The following LARGE1 variants were observed in gnomAD, a reference collection of about 807,000 sequenced individuals.
The protein encoded by LARGE1 is LARGE xylosyl- and glucuronyltransferase 1, also known as xylosyl- and glucuronyltransferase LARGE1.
LARGE1 carries 43 observed loss-of-function variants against 87.6 expected under a neutral mutation model. The ratio of observed to expected loss-of-function variants is 0.49; its 90% CI spans 0.38 to 0.63. LARGE1 has a LOEUF of 0.63. Among genes scored for constraint, LARGE1 ranks in the 30% least tolerant of loss-of-function variants. The probability of loss-of-function intolerance (pLI) is 0.00; values close to 1 mark genes in which losing one functional copy is unlikely to be tolerated. For synonymous variants in LARGE1, 434 were observed against 394.6 expected (o/e 1.10, Z -1.18); for missense variants, 802 against 1,000.2 (o/e 0.80, Z 2.67).
intron 10 of LARGE1, among the ~76,000 whole-genome samples, chr22:33,331,604 C>T (rs1264221812): frequency 2.0e-5 from 3 of 152,098 alleles, no homozygotes; most frequent in Admixed American, 1.3e-4. Context: ...GACGGGGTTT[C>T]GCCATGTTAG....
chr22:33,789,706 G>A (rs2145973440), intron 1 of LARGE1, among the ~76,000 whole-genome samples: 3 of 152,330 alleles, frequency 2.0e-5, no homozygotes, highest in Middle Eastern at 6.8e-3. Context: ...TCACTTCGGA[G>A]CTTTAAGATT....
chr22:33,348,176 A>G (rs887903933), intron 9 of LARGE1, among the ~76,000 whole-genome samples: 1 of 152,094 alleles, frequency 6.6e-6, no homozygotes, highest in South Asian at 2.1e-4. Flanking sequence ...AATTGGGTTT[A>G]AAGTACTGGG....
At chr22:33,900,445 T>C (rs572072952) in intron 1 of LARGE1, among the ~76,000 whole-genome samples, 7 of 152,272 alleles carry the variant, frequency 4.6e-5, no homozygotes, top group African/African-American at 1.4e-4. Flanking sequence ...ATGAAGAGCC[T>C]CTAATGTCCA....
At chr22:33,468,860 G>C (rs143414718) in intron 6 of LARGE1, among the ~76,000 whole-genome samples, 41 of 152,206 alleles carry the variant, frequency 2.7e-4, no homozygotes, top group African/African-American at 8.9e-4. Flanking sequence ...TTCCACAGCA[G>C]ACTCCCAAAT....
chr22:33,686,288 C>T (rs1337377417), intron 2 of LARGE1, among the ~76,000 whole-genome samples: 1 of 151,860 alleles, frequency 6.6e-6, no homozygotes, highest in African/African-American at 2.4e-5. Flanking sequence ...CCTGGTGTAC[C>T]CAATCCACTA....
rs1231625069 is a variant in LARGE1, at chr22:33,564,864, C to T, written c.771G>A (p.Val257=). ...TACCATTACCTTTGAACTTGTGGAA[C>T]ACAGCCCACAGCTCTGCAATGTCAG... is the stretch of plus-strand genomic sequence containing the variant. ...FATDIAELWA[V]FHKFKGQQVL... Residue 257 remains valine, a synonymous_variant, in exon 6 of 15, where the codon GTG becomes GTA. Transcript: ENST00000397394. 1 of 1,614,204 alleles carries T rather than the reference C, an allele frequency of 6.2e-7. No homozygotes were observed. Among genetic ancestry groups the T allele is most frequent in the Admixed American group, 1.7e-5 (1 of 60,026 alleles).
intron 9 of LARGE1, among the ~76,000 whole-genome samples, chr22:33,378,216 T>C (rs1009952037): frequency 3.3e-5 from 5 of 152,224 alleles, no homozygotes; most frequent in Non-Finnish European, 7.3e-5. Flanking sequence ...GGCAAATTTT[T>C]AATTTTTTTT....
Position 33,720,837 on chromosome 22 carries a change from C to CGGCA in LARGE1, c.106+40530_106+40533dup, listed in dbSNP as rs564975634. ...TGGCTGGTCTGCTGATCTGGTGTCA[C>CGGCA]GGCAGAGATGATTCCTAAGAAAAGA... On this transcript the variant is annotated intron_variant, in intron 2 of 14. Transcript: ENST00000397394. Among the ~76,000 whole-genome samples the CGGCA allele has an allele frequency of 2.6e-4, 39 of 152,228 alleles. No homozygotes were observed. The South Asian group carries it at 8.1e-3, about 32-fold the overall frequency.
At chr22:33,586,768 G>A (rs2078689288) in intron 5 of LARGE1, among the ~76,000 whole-genome samples, 2 of 152,106 alleles carry the variant, frequency 1.3e-5, no homozygotes, top group Non-Finnish European at 2.9e-5. Flanking sequence ...AGAACAACAA[G>A]GTTACTATTC....
the LARGE1 span, among the ~76,000 whole-genome samples, chr22:33,141,015 A>G: frequency 3.9e-5 from 6 of 152,182 alleles, no homozygotes; most frequent in African/African-American, 1.4e-4. Flanking sequence ...ATTTTTAACA[A>G]TTATGGTTGC....
At chr22:33,826,297 C>A (rs2062780933) in intron 1 of LARGE1, among the ~76,000 whole-genome samples, 1 of 151,788 alleles carries the variant, frequency 6.6e-6, no homozygotes, top group South Asian at 2.1e-4. Flanking sequence ...TCTCTACCCT[C>A]AGGGTCACAC....
chr22:33,404,217 T>C (rs2066020635), intron 7 of LARGE1, among the ~76,000 whole-genome samples: 1 of 152,032 alleles, frequency 6.6e-6, no homozygotes, highest in Non-Finnish European at 1.5e-5. Context: ...TAAGACAGGA[T>C]CTGCAGGAGG....
intron 1 of LARGE1, among the ~76,000 whole-genome samples, chr22:33,873,758 TTCC>T (rs140289198): frequency 1.3e-5 from 2 of 151,772 alleles, no homozygotes; most frequent in Admixed American, 6.6e-5. Flanking sequence ...CCTCACATCC[TTCC>T]TCCTCCTCCT....
chr22:33,484,911 GT>G (rs545498648), intron 6 of LARGE1, among the ~76,000 whole-genome samples: 218 of 130,352 alleles, frequency 1.7e-3, no homozygotes, highest in Middle Eastern at 0.016. Flanking sequence ...TAATGAGGTG[GT>G]TTTTTTTTTT....
Position 33,274,485 on chromosome 22 carries a change from A to G in LARGE1, c.2213T>C (p.Met738Thr), listed in dbSNP as rs776954687. 1.7e-4 allele frequency: 273 copies of G among 1,613,974 alleles called. No individual in the cohort carries two copies. Among genetic ancestry groups the G allele is most frequent in the Non-Finnish European group, 2.1e-4 (248 of 1,180,006 alleles). ...KTLKEEFQQD[M>T]SRRYGFAALK... ...GGCAGCAAAGCCGTAGCGGCGGGAC[A>G]TGTCCTGCTGAAACTCTTCCTTGAG... Residue 738 changes from methionine (M) to threonine (T), a missense_variant, in exon 15 of 15, where the codon ATG (methionine) becomes ACG (threonine). Physicochemically the swap from Met to Thr is moderately conservative, Grantham distance 81 (BLOSUM62 -1). Coordinates refer to ENST00000397394, the MANE Select transcript of LARGE1 (RefSeq NM_133642.5).
chr22:33,621,700 T>C (rs2079759923), intron 4 of LARGE1, among the ~76,000 whole-genome samples: 1 of 151,690 alleles, frequency 6.6e-6, no homozygotes, highest in Non-Finnish European at 1.5e-5. Flanking sequence ...CGAAAGTCTT[T>C]CAAAAGTCCT....
At chr22:33,157,079 C>T in the LARGE1 span, among the ~76,000 whole-genome samples, 1 of 152,150 alleles carries the variant, frequency 6.6e-6, no homozygotes, top group South Asian at 2.1e-4. Flanking sequence ...TGCAAATTGC[C>T]CAGTCTCAAG....
rs1342429229 is a variant in LARGE1 at position 33,853,683 on chromosome 22, A to C, written c.-83+66312T>G. ...CATATGCCGAAGATAGCAAGGATAC[A>C]AAAAAGTGCCAGTTCCTTTCCCACA... is the stretch of plus-strand genomic sequence containing the variant. On this transcript the variant is annotated intron_variant, in intron 1 of 14. Coordinates refer to ENST00000397394, the MANE Select transcript of LARGE1 (RefSeq NM_133642.5). 2.0e-5 allele frequency among the ~76,000 whole-genome samples: 3 copies of C among 152,246 alleles called. No homozygotes were observed. In the East Asian group the frequency reaches 5.8e-4, roughly 29 times the overall value.
chr22:33,555,886 C>T (rs1033654849), intron 6 of LARGE1, among the ~76,000 whole-genome samples: 5 of 148,710 alleles, frequency 3.4e-5, no homozygotes, highest in African/African-American at 5.0e-5. Context: ...GTGGAGATCA[C>T]GCCACTGCAC....
Sources: gnomAD v4.1 joint callset for allele counts (sites outside exome capture counted in the v4.1 genomes callset) on GRCh38, gnomAD v4.1.1 for gene constraint, MANE v1.5 for transcripts, NCBI Gene and HGNC (gene_info 2026-07-23, HGNC 2026-07-21) for gene names.